The following AACS variants were observed in gnomAD, a reference collection of about 807,000 sequenced individuals.
AACS encodes acetoacetyl-CoA synthetase.
Under a neutral mutation model 83.1 loss-of-function variants are expected in AACS, and 69 were observed. The observed-to-expected ratio is 0.83, with a 90% CI of 0.68 to 1.01. The LOEUF is 1.01. Among genes scored for constraint, AACS ranks in the 50% least tolerant of loss-of-function variants. The pLI is 0.00. For missense variants in AACS, 866 were observed against 882.2 expected (o/e 0.98, Z 0.23); for synonymous variants, 333 against 343.4 (o/e 0.97, Z 0.33).
intron 3 of AACS, among the ~76,000 whole-genome samples, chr12:125,082,341 C>T (rs1956211157): frequency 6.7e-6 from 1 of 149,104 alleles, no homozygotes; most frequent in Non-Finnish European, 1.5e-5. Flanking sequence ...CTGGCTATTT[C>T]ATTTTTTTTT....
chr12:125,082,462 T>C (rs967393567), intron 3 of AACS, among the ~76,000 whole-genome samples: 2 of 143,736 alleles, frequency 1.4e-5, no homozygotes, highest in Non-Finnish European at 3.0e-5. Flanking sequence ...AGGTGTGAGC[T>C]GTAACACCTG....
intron 17 of AACS, 132 bp from the exon 18 acceptor site, chr12:125,141,960 C>T: frequency 8.7e-7 from 1 of 1,147,996 alleles, no homozygotes; most frequent in Non-Finnish European, 1.3e-6. Context: ...AGAGGGGCAT[C>T]TTAGAGCCGA....
intron 7 of AACS, among the ~76,000 whole-genome samples, chr12:125,104,345 C>T (rs1956788502): frequency 6.6e-6 from 1 of 152,160 alleles, no homozygotes; most frequent in African/African-American, 2.4e-5. Flanking sequence ...CTTTTTGTTC[C>T]AGCAAGTGGT....
chr12:125,114,007 C>T (rs1298726433), intron 8 of AACS, among the ~76,000 whole-genome samples: 2 of 152,020 alleles, frequency 1.3e-5, no homozygotes, highest in African/African-American at 4.8e-5. Flanking sequence ...GTCCCAGCTA[C>T]AGTCTTGCTC....
intron 2 of AACS, 120 bp downstream of exon 2, chr12:125,074,099 AG>A: frequency 1.3e-6 from 1 of 789,838 alleles, no homozygotes; most frequent in Non-Finnish European, 2.1e-6. Context: ...GATGGGAAAA[AG>A]TCATTGCCCT....
intron 8 of AACS, 128 bp downstream of exon 8, chr12:125,107,396 C>T: frequency 2.3e-6 from 3 of 1,278,568 alleles, no homozygotes; most frequent in Non-Finnish European, 3.2e-6. Flanking sequence ...CAACGTGCAG[C>T]TTCTCTCCAA....
intron 17 of AACS, chr12:125,141,508 C>T (rs1957489959): frequency 6.6e-6 from 1 of 152,510 alleles, no homozygotes; most frequent in African/African-American, 2.4e-5. Flanking sequence ...AACATGAGAC[C>T]ATCCTGGTGA....
At chr12:125,087,288 C>T (rs1440198075) in intron 4 of AACS, among the ~76,000 whole-genome samples, 6 of 152,204 alleles carry the variant, frequency 3.9e-5, no homozygotes, top group African/African-American at 1.2e-4. Flanking sequence ...CACTCTGGGC[C>T]GGGGCTCTCC....
Position 125,103,461 on chromosome 12 carries a change from A to C in AACS, c.767+380A>C, listed in dbSNP as rs538571146. On this transcript the variant is annotated intron_variant, in intron 7 of 17. Transcript: ENST00000316519. Reference sequence around the variant, plus strand: ...CACACGCATGCACACGACAAGGCACACATATCTACACGTGTACACATGCAT... The same window carrying C: ...CACACGCATGCACACGACAAGGCACCCATATCTACACGTGTACACATGCAT... Among the ~76,000 whole-genome samples the C allele has an allele frequency of 4.0e-5, 6 of 151,474 alleles. No homozygotes were observed. The South Asian group carries it at 1.2e-3, about 31-fold the overall frequency.
At chr12:125,109,757 G>T (rs1236673072) in intron 8 of AACS, among the ~76,000 whole-genome samples, 1 of 152,184 alleles carries the variant, frequency 6.6e-6, no homozygotes, top group Non-Finnish European at 1.5e-5. Flanking sequence ...GTCTGGAGCA[G>T]CTCCTTGGGC....
At chr12:125,074,975 GTTT>G (rs34831405) in intron 2 of AACS, among the ~76,000 whole-genome samples, 2 of 113,520 alleles carry the variant, frequency 1.8e-5, no homozygotes, top group Non-Finnish European at 1.8e-5. Context: ...CATTGTCATA[GTTT>G]TTTTTTTTTT....
At position 125,129,374 on chromosome 12, in the gene AACS, C is replaced by T. The variant is rs1188566114; in HGVS notation, c.1463C>T (p.Thr488Ile). 3.1e-6 allele frequency: 5 copies of T among 1,613,994 alleles called. No homozygotes were observed. The highest frequency in any genetic ancestry group is 2.5e-6 in the Non-Finnish European group (3 of 1,179,988). Reference sequence around the variant, plus strand: ...GGAGAGAGCGGCGAGCTGGTGTGTACTAAGCCGATCCCTTGCCAGCCCACA... The same window carrying T: ...GGAGAGAGCGGCGAGCTGGTGTGTATTAAGCCGATCCCTTGCCAGCCCACA... Reference protein sequence around the residue: ...VWGESGELVCTKPIPCQPTHF... With the variant: ...VWGESGELVCIKPIPCQPTHF... Residue 488 changes from threonine to isoleucine, a missense_variant, in exon 14 of 18, where the codon ACT (threonine) becomes ATT (isoleucine). Coordinates refer to ENST00000316519, the MANE Select transcript of AACS (RefSeq NM_023928.5). The surrounding 1 kb of genome is among the most constrained non-coding windows in gnomAD (Gnocchi z 4.3).
At chr12:125,085,288 A>G (rs1233393612) in intron 3 of AACS, among the ~76,000 whole-genome samples, 5 of 151,742 alleles carry the variant, frequency 3.3e-5, no homozygotes, top group Admixed American at 2.0e-4. Context: ...AACCACGCAC[A>G]CGCATGTTGC....
intron 17 of AACS, among the ~76,000 whole-genome samples, chr12:125,137,824 C>T (rs185700729): frequency 5.9e-5 from 9 of 152,216 alleles, no homozygotes; most frequent in African/African-American, 2.2e-4. Flanking sequence ...AATGGCTATT[C>T]GTTAAGGAGA....
rs1956631537 is a variant in AACS, at chr12:125,097,417, T to C, written c.571-5262T>C. Reference sequence around the variant, plus strand: ...CACTTTTTTAAACTGATGCTGAAGTTGGCCAATGTTTTACTTAAAAAAAAA... The same window carrying C: ...CACTTTTTTAAACTGATGCTGAAGTCGGCCAATGTTTTACTTAAAAAAAAA... On this transcript the variant is annotated intron_variant, in intron 5 of 17. Transcript: ENST00000316519. This position sits in a 1 kb window ranked among gnomAD's most constrained non-coding sequence, Gnocchi z 4.3. Among the ~76,000 whole-genome samples, 1 of 146,996 alleles carries C rather than the reference T, an allele frequency of 6.8e-6. No individual in the cohort carries two copies. Among genetic ancestry groups the C allele is most frequent in the Admixed American group, 6.9e-5 (1 of 14,508 alleles).
intron 1 of AACS, among the ~76,000 whole-genome samples, chr12:125,072,057 A>G (rs897422037): frequency 6.6e-6 from 1 of 151,626 alleles, no homozygotes; most frequent in South Asian, 2.1e-4. Flanking sequence ...GGATTTCACC[A>G]TGTTGGTCAG....
At chr12:125,110,421 C>T (rs1205995668) in intron 8 of AACS, among the ~76,000 whole-genome samples, 1 of 152,132 alleles carries the variant, frequency 6.6e-6, no homozygotes, top group Non-Finnish European at 1.5e-5. Flanking sequence ...TCCTCTGATC[C>T]TCTTCTGCCC....
chr12:125,124,961 G>T lies in AACS; in HGVS notation c.1246G>T (p.Ala416Ser), dbSNP rs752378439. 5.0e-6 allele frequency: 8 copies of T among 1,614,222 alleles called. No homozygotes were observed. The East Asian group carries it at 1.8e-4, about 36-fold the overall frequency. ...CCTGTCCACTGGCTCCCCACTGAAA[G>T]CCCAGAGCTACGAGTATGTCTACAG... The part of the protein sequence containing the change: ...TILSTGSPLK[A>S]QSYEYVYRCI... Residue 416 changes from alanine to serine, a missense_variant, in exon 12 of 18, where the codon GCC becomes TCC. Ala to Ser is a moderately conservative substitution (Grantham distance 99). Transcript: ENST00000316519.
rs1219039953 is a variant in AACS at position 125,130,139 on chromosome 12, G to A, written c.1549+679G>A. ...CCAGAGTTATTTATACTCAGTACTT[G>A]CTTTCTGCAGTCTCTCAAAAGGTAA... On this transcript the variant is annotated intron_variant, in intron 14 of 17. Coordinates refer to ENST00000316519, the MANE Select transcript of AACS (RefSeq NM_023928.5). The surrounding 1 kb of genome is among the most constrained non-coding windows in gnomAD (Gnocchi z 4.9). Among the ~76,000 whole-genome samples the A allele has an allele frequency of 1.3e-5, 2 of 152,228 alleles. No individual in the cohort carries two copies.
Sources: gnomAD v4.1 joint callset for allele counts (sites outside exome capture counted in the v4.1 genomes callset) on GRCh38, gnomAD v4.1.1 for gene constraint, Gnocchi (gnomAD v3.1) non-coding constraint, MANE v1.5 for transcripts, NCBI Gene and HGNC (gene_info 2026-07-23, HGNC 2026-07-21) for gene names.